Variants in TMEM135 observed in about 807,000 individuals in gnomAD.
TMEM135 encodes transmembrane protein 135.
TMEM135 carries 30 observed loss-of-function variants against 60.3 expected under a neutral mutation model. The ratio of observed to expected loss-of-function variants is 0.50; its 90% confidence interval spans 0.37 to 0.68. The LOEUF is 0.68. Among genes scored for constraint, TMEM135 ranks in the 30% least tolerant of loss-of-function variants. The pLI, the probability that TMEM135 is intolerant of heterozygous loss-of-function variation, is 0.00. For synonymous variants in TMEM135, 190 were observed against 186.7 expected (o/e 1.02, Z -0.14); for missense variants, 468 against 548.8 (o/e 0.85, Z 1.47).
chr11:87,188,916 G>T (rs1411843330), intron 5 of TMEM135, among the ~76,000 whole-genome samples: 1 of 151,748 alleles, frequency 6.6e-6, no homozygotes, highest in Non-Finnish European at 1.5e-5. Context: ...ATGAACATTT[G>T]GTACATGTGC....
intron 7 of TMEM135, among the ~76,000 whole-genome samples, chr11:87,297,451 A>T (rs920166330): frequency 3.3e-5 from 5 of 152,236 alleles, no homozygotes; most frequent in African/African-American, 9.6e-5. Context: ...CATGAAATTT[A>T]TTAGAAAATA....
intron 5 of TMEM135, among the ~76,000 whole-genome samples, chr11:87,195,941 A>G (rs1939947310): frequency 6.6e-6 from 1 of 152,180 alleles, no homozygotes; most frequent in Non-Finnish European, 1.5e-5. Context: ...ATAAACTTGT[A>G]TGGAATGATA....
chr11:87,261,330 A>C (rs11235053), intron 6 of TMEM135, among the ~76,000 whole-genome samples: 53,717 of 152,042 alleles, frequency 0.35, 10,051 homozygotes, highest in Non-Finnish European at 0.42. Flanking sequence ...TTTAACTACA[A>C]ATCTTCTATG....
intron 5 of TMEM135, among the ~76,000 whole-genome samples, chr11:87,208,142 C>G (rs1425982042): frequency 1.3e-5 from 2 of 152,176 alleles, no homozygotes; most frequent in African/African-American, 2.4e-5. Flanking sequence ...AAGAACCAGC[C>G]AAGAATTCTG....
intron 5 of TMEM135, among the ~76,000 whole-genome samples, chr11:87,197,129 A>C (rs77566479): frequency 0.089 from 13,614 of 152,148 alleles, 680 homozygotes; most frequent in African/African-American, 0.12. Context: ...AAAAAATACA[A>C]GATGTCTGTA....
At chr11:87,087,722 A>G (rs1399625420) in intron 3 of TMEM135, among the ~76,000 whole-genome samples, 2 of 152,036 alleles carry the variant, frequency 1.3e-5, no homozygotes, top group African/African-American at 4.8e-5. Context: ...ATTCTATTCC[A>G]TACGGAATCT....
At chr11:87,161,982 C>G (rs974558068) in intron 5 of TMEM135, among the ~76,000 whole-genome samples, 2 of 151,994 alleles carry the variant, frequency 1.3e-5, no homozygotes, top group African/African-American at 4.8e-5. Flanking sequence ...CCTTGGGGAG[C>G]TTATAATCTA....
At chr11:87,053,608 C>A (rs1049140628) in intron 1 of TMEM135, among the ~76,000 whole-genome samples, 2 of 151,888 alleles carry the variant, frequency 1.3e-5, no homozygotes, top group Non-Finnish European at 2.9e-5. Context: ...ATTACAGTTA[C>A]TTCCCTTACT....
chr11:87,108,353 A>G lies in TMEM135; in HGVS notation c.396+16958A>G, dbSNP rs188520092. 2.8e-4 allele frequency among the ~76,000 whole-genome samples: 42 copies of G among 152,208 alleles called. 1 individual carries two copies. The highest frequency in any genetic ancestry group is 8.9e-4 in the African/African-American group (37 of 41,550). On this transcript the variant is annotated intron_variant, in intron 4 of 14. Coordinates refer to ENST00000305494, the MANE Select transcript of TMEM135 (RefSeq NM_022918.4). ...GTCCTTGCCCATGCCTATGTCCTGA[A>G]TGGTATTGCCTAGGTTTTCTTCTAG...
rs1275022080 is a variant in TMEM135, at chr11:87,049,492, CA to C, written c.141+11313del. 3.3e-5 allele frequency among the ~76,000 whole-genome samples: 4 copies of C among 121,316 alleles called. 1 individual carries two copies. The highest frequency in any genetic ancestry group is 6.2e-5 in the African/African-American group (2 of 32,076). 79.6% of individuals were successfully genotyped at this position (121,316 alleles called of 152,430 possible). ...GAAGATCTACCAAGCAAATGGAAAA[CA>C]AAAAAAGGCAGGGGTTGCAATCCTA... is the stretch of plus-strand genomic sequence containing the variant. On this transcript the variant is annotated intron_variant, in intron 1 of 14. Coordinates refer to ENST00000305494, the MANE Select transcript of TMEM135 (RefSeq NM_022918.4).
At chr11:87,174,689 C>T (rs1213467769) in intron 5 of TMEM135, among the ~76,000 whole-genome samples, 1 of 152,120 alleles carries the variant, frequency 6.6e-6, no homozygotes, top group Non-Finnish European at 1.5e-5. Flanking sequence ...CACGTCATGT[C>T]ATCGATAGCT....
intron 7 of TMEM135, among the ~76,000 whole-genome samples, chr11:87,296,526 A>G (rs1167035214): frequency 6.6e-6 from 1 of 152,170 alleles, no homozygotes; most frequent in African/African-American, 2.4e-5. Context: ...CAAAGGACAT[A>G]TAGTAGATGC....
At chr11:87,131,148 T>A (rs1937916930) in intron 4 of TMEM135, among the ~76,000 whole-genome samples, 1 of 152,204 alleles carries the variant, frequency 6.6e-6, no homozygotes, top group East Asian at 1.9e-4. Flanking sequence ...TTCCCCTATT[T>A]TTAAAATCTT....
intron 4 of TMEM135, among the ~76,000 whole-genome samples, chr11:87,149,138 G>T (rs1345689138): frequency 6.6e-6 from 1 of 151,648 alleles, no homozygotes; most frequent in Non-Finnish European, 1.5e-5. Context: ...TAGCTCTTAT[G>T]TATAAATTAC....
intron 3 of TMEM135, among the ~76,000 whole-genome samples, chr11:87,080,827 C>T (rs1856975782): frequency 6.6e-6 from 1 of 152,146 alleles, no homozygotes; most frequent in South Asian, 2.1e-4. Context: ...GCTGGGATTA[C>T]AGGCACGTGC....
chr11:87,149,727 T>A (rs1020864438), intron 4 of TMEM135, among the ~76,000 whole-genome samples: 2 of 152,220 alleles, frequency 1.3e-5, no homozygotes, highest in Non-Finnish European at 2.9e-5. Context: ...TAGCCACAAG[T>A]CAATCTCCTT....
intron 12 of TMEM135, among the ~76,000 whole-genome samples, chr11:87,316,291 A>C (rs1463450534): frequency 6.6e-6 from 1 of 150,948 alleles, no homozygotes; most frequent in Non-Finnish European, 1.5e-5. Context: ...TGTGTGAGAG[A>C]GAGAGAGAGA....
intron 1 of TMEM135, among the ~76,000 whole-genome samples, chr11:87,040,193 T>A (rs1265315730): frequency 2.0e-5 from 3 of 152,242 alleles, no homozygotes; most frequent in Non-Finnish European, 4.4e-5. Context: ...ATATTGCGCA[T>A]ACTAAGGGTA....
At chr11:87,038,609 C>CTTTTTTTTTTTTT (rs3045930) in intron 1 of TMEM135, among the ~76,000 whole-genome samples, 2 of 113,932 alleles carry the variant, frequency 1.8e-5, no homozygotes, top group Non-Finnish European at 3.5e-5. Context: ...TTTTATTTTG[C>CTTTTTTTTTTTTT]TTTTTTTTTT....
Sources: gnomAD v4.1 joint callset for allele counts (sites outside exome capture counted in the v4.1 genomes callset) on GRCh38, gnomAD v4.1.1 for gene constraint, MANE v1.5 for transcripts, NCBI Gene and HGNC (gene_info 2026-07-23, HGNC 2026-07-21) for gene names.